NDUFA10: variants seen among roughly 807,000 people sequenced by gnomAD.
The protein encoded by NDUFA10 is NADH:ubiquinone oxidoreductase subunit A10.
NDUFA10 carries 40 observed loss-of-function variants against 47.8 expected under a neutral mutation model. That is an observed-to-expected ratio of 0.84 (90% CI 0.65 to 1.09). NDUFA10 has a LOEUF of 1.09. Among genes scored for constraint, NDUFA10 ranks in the 50% least tolerant of loss-of-function variants. The probability of loss-of-function intolerance (pLI) is 0.00; values close to 1 mark genes in which losing one functional copy is unlikely to be tolerated. For missense variants in NDUFA10, 413 were observed against 451.1 expected (o/e 0.92, Z 0.76); for synonymous variants, 183 against 172.2 (o/e 1.06, Z -0.49).
chr2:239,966,204 G>C (rs909135107), intron 9 of NDUFA10, among the ~76,000 whole-genome samples: 3 of 152,182 alleles, frequency 2.0e-5, no homozygotes, highest in Non-Finnish European at 4.4e-5. Flanking sequence ...ACCCTGCCCA[G>C]TCACCGACAA....
At chr2:239,968,513 GT>G (rs1695174966) in intron 9 of NDUFA10, among the ~76,000 whole-genome samples, 1 of 152,222 alleles carries the variant, frequency 6.6e-6, no homozygotes, top group East Asian at 1.9e-4. Context: ...TCATGAGGCA[GT>G]AACAGGGTCT....
At chr2:239,981,980 G>A in intron 9 of NDUFA10, 1 of 1,114,250 alleles carries the variant, frequency 9.0e-7, no homozygotes, top group Non-Finnish European at 1.2e-6. Flanking sequence ...CCATGAAAAG[G>A]CATCCATGGC....
intron 4 of NDUFA10, among the ~76,000 whole-genome samples, chr2:239,921,737 A>C (rs2106368470): frequency 6.6e-6 from 1 of 152,288 alleles, no homozygotes; most frequent in African/African-American, 2.4e-5. Flanking sequence ...GCCGGGTCAG[A>C]CATTAGTGAG....
At chr2:239,918,195 A>C (rs1208902928) in intron 4 of NDUFA10, among the ~76,000 whole-genome samples, 1 of 152,092 alleles carries the variant, frequency 6.6e-6, no homozygotes, top group African/African-American at 2.4e-5. Context: ...TGGACCATGC[A>C]TGCTCTGGCA....
intron 8 of NDUFA10, among the ~76,000 whole-genome samples, chr2:239,998,933 A>G (rs1379370066): frequency 1.3e-5 from 2 of 152,186 alleles, no homozygotes; most frequent in African/African-American, 4.8e-5. Context: ...GAACAGAGAT[A>G]GGCAGCTACC....
At chr2:239,955,352 A>G (rs761031814), downstream of NDUFA10, among the ~76,000 whole-genome samples, 5 of 152,176 alleles carry the variant, frequency 3.3e-5, no homozygotes, top group Non-Finnish European at 5.9e-5. Context: ...CACTTTCAGA[A>G]TGGCACAGAG....
chr2:239,988,840 G>C (rs1574853758), intron 9 of NDUFA10, among the ~76,000 whole-genome samples: 1 of 152,012 alleles, frequency 6.6e-6, no homozygotes, highest in East Asian at 1.9e-4. Context: ...CGTGTACAAG[G>C]ACAGAAAGGG....
intron 8 of NDUFA10, among the ~76,000 whole-genome samples, chr2:239,997,463 TGTTTA>T (rs1696526581): frequency 6.6e-6 from 1 of 152,248 alleles, no homozygotes; most frequent in African/African-American, 2.4e-5. Context: ...GTTTGCATTT[TGTTTA>T]ATTATATTCT....
chr2:239,996,809 C>CTT (rs112180218), intron 8 of NDUFA10, among the ~76,000 whole-genome samples: 24 of 144,166 alleles, frequency 1.7e-4, no homozygotes, highest in Non-Finnish European at 3.1e-4. Flanking sequence ...GTTTTTTTGC[C>CTT]TTTTTTTTTT....
At chr2:239,990,010 T>G in intron 9 of NDUFA10, 64 bp downstream of exon 9, 1 of 1,173,952 alleles carries the variant, frequency 8.5e-7, no homozygotes, top group Non-Finnish European at 1.3e-6. Context: ...GAGAAGTGAC[T>G]GCATTGTCCC....
chr2:239,892,455 A>G (rs538725965), exon 6 of NDUFA10: 3 of 152,364 alleles, frequency 2.0e-5, no homozygotes, highest in African/African-American at 7.2e-5. Context: ...TTGTTTTTAA[A>G]ACATACCCAA....
chr2:239,933,271 G>A (rs555858613), intron 4 of NDUFA10, among the ~76,000 whole-genome samples: 98 of 152,268 alleles, frequency 6.4e-4, no homozygotes, highest in African/African-American at 2.1e-3. Flanking sequence ...CATCTGCCTC[G>A]GGTCCCTCTT....
At chr2:239,941,113 G>C (rs189142194) in intron 4 of NDUFA10, among the ~76,000 whole-genome samples, 1 of 152,322 alleles carries the variant, frequency 6.6e-6, no homozygotes, top group African/African-American at 2.4e-5. Flanking sequence ...TGCACCCACG[G>C]CAACAAGGAA....
rs199648872 is a variant in NDUFA10, at chr2:239,961,189, G to C, written c.1000-3C>G. ...GGGCTGTACTTGCGGCCCGGCAGCT[G>C]TGGGGGAAAAAGGCATTGGTGCATT... On this transcript the variant is annotated splice_polypyrimidine_tract_variant and splice_region_variant and intron_variant, in intron 9 of 9. Coordinates refer to ENST00000252711, the MANE Select transcript of NDUFA10 (RefSeq NM_004544.4). 2.8e-5 allele frequency: 44 copies of C among 1,598,874 alleles called. No homozygotes were observed. The highest frequency in any genetic ancestry group is 3.6e-5 in the Non-Finnish European group (42 of 1,171,744).
intron 4 of NDUFA10, among the ~76,000 whole-genome samples, chr2:239,926,109 C>T (rs149798024): frequency 7.2e-5 from 11 of 152,340 alleles, no homozygotes; most frequent in African/African-American, 1.7e-4. Flanking sequence ...TAAACATACA[C>T]TTACCCTACG....
In NDUFA10 at chr2:240,025,337, G is replaced by C; in HGVS notation, c.-36C>G. ...TCAGCTCAGGATCAAGGACCCAAGG[G>C]GACGCGGTCGCGACGGGGCCCTCTC... On this transcript the variant is annotated 5_prime_UTR_variant, in exon 1 of 10. Transcript: ENST00000252711. The C allele has an allele frequency of 6.8e-7, 1 of 1,472,172 alleles. No homozygotes were observed. The highest frequency in any genetic ancestry group is 9.0e-7 in the Non-Finnish European group (1 of 1,112,542). 91.2% of individuals were successfully genotyped at this position (1,472,172 alleles called of 1,614,324 possible). A position where few individuals can be genotyped will look rare whatever the true frequency, so the allele number is the denominator to read the frequency against.
At chr2:239,907,592 T>C (rs1474855414) in intron 4 of NDUFA10, among the ~76,000 whole-genome samples, 1 of 152,214 alleles carries the variant, frequency 6.6e-6, no homozygotes, top group Admixed American at 6.5e-5. Context: ...GCGAAGGATA[T>C]AAACAGACAC....
intron 4 of NDUFA10, among the ~76,000 whole-genome samples, chr2:239,920,439 G>A (rs923342412): frequency 3.3e-5 from 5 of 152,220 alleles, no homozygotes; most frequent in African/African-American, 1.2e-4. Flanking sequence ...AGGCCCCAGG[G>A]ACAGGAGCAT....
intron 9 of NDUFA10, chr2:239,969,479 C>G (rs1194896261): frequency 2.8e-6 from 1 of 351,478 alleles, no homozygotes; most frequent in African/African-American, 2.1e-5. Context: ...CGGCCACGCA[C>G]GTTACAGAAT....
Sources: allele counts gnomAD v4.1 joint callset (sites outside exome capture counted in the v4.1 genomes callset), GRCh38; gene constraint gnomAD v4.1.1; transcripts MANE v1.5; gene names NCBI Gene and HGNC (gene_info 2026-07-23, HGNC 2026-07-21).